Variants in MEI1 observed in about 807,000 individuals in gnomAD.
MEI1 encodes the protein meiotic double-stranded break formation protein 1.
Under a neutral mutation model 146.2 loss-of-function variants are expected in MEI1, and 103 were observed. The observed-to-expected ratio is 0.70, with a 90% CI of 0.60 to 0.83. MEI1 has a LOEUF of 0.83. Ranked by LOEUF, MEI1 falls within the 40% of genes least tolerant of loss-of-function variation. MEI1 has a pLI of 0.00. For missense variants in MEI1, 1,529 were observed against 1,533.0 expected, an observed-to-expected ratio of 1.00 and a Z score of 0.04; for synonymous variants, 652 against 628.2, an observed-to-expected ratio of 1.04 and a Z score of -0.57.
chr22:41,792,800 T>C (rs2076224226), intron 26 of MEI1, among the ~76,000 whole-genome samples: 1 of 152,144 alleles, frequency 6.6e-6, no homozygotes, highest in African/African-American at 2.4e-5. Context: ...TAACTTTAGC[T>C]ATTGGTAGAT....
chr22:41,745,095 G>T, intron 13 of MEI1, 31 bp downstream of exon 13: 1 of 1,438,392 alleles, frequency 7.0e-7, no homozygotes, highest in South Asian at 1.4e-5. Context: ...TGAAGTAATA[G>T]CATGGAAGGT....
At chr22:41,744,740 C>T (rs56012767) in intron 12 of MEI1, among the ~76,000 whole-genome samples, 2 of 15,220 alleles carry the variant, frequency 1.3e-4, no homozygotes, top group Non-Finnish European at 1.3e-4. Flanking sequence ...CCTCGTGATC[C>T]GCCCGCCTCG....
At chr22:41,732,133 G>T in intron 9 of MEI1, 112 bp from the exon 10 acceptor site, 3 of 768,640 alleles carry the variant, frequency 3.9e-6, no homozygotes, top group South Asian at 1.7e-5. Context: ...GTCCCTCCAC[G>T]AGTGGCCTCC....
At chr22:41,736,094 C>T (rs2072336506) in intron 11 of MEI1, among the ~76,000 whole-genome samples, 1 of 152,150 alleles carries the variant, frequency 6.6e-6, no homozygotes, top group East Asian at 1.9e-4. Context: ...GAACACTTCC[C>T]TGCCTCTTCC....
At position 41,795,675 on chromosome 22, in the gene MEI1, A is replaced by AGGGCCTGTGTGGAATGGGCACTGAGG; in HGVS notation, c.3667-59_3667-34dup. 6.3e-7 allele frequency: 1 copy of AGGGCCTGTGTGGAATGGGCACTGAGG among 1,592,258 alleles called. No individual in the cohort carries two copies. Among genetic ancestry groups the AGGGCCTGTGTGGAATGGGCACTGAGG allele is most frequent in the Non-Finnish European group, 8.6e-7 (1 of 1,165,876 alleles). On this transcript the variant is annotated intron_variant, in intron 29 of 30. Transcript: ENST00000401548. This position sits in a 1 kb window ranked among gnomAD's most constrained non-coding sequence, Gnocchi z 4.2. The stretch of plus-strand genomic sequence containing the variant: ...GGAAGTACAGAGGATGGAGGCAGTT[A>AGGGCCTGTGTGGAATGGGCACTGAGG]GGGCCTGTGTGGAATGGGCACTGAG...
At chr22:41,743,600 G>T (rs1338504780) in intron 12 of MEI1, among the ~76,000 whole-genome samples, 3 of 152,202 alleles carry the variant, frequency 2.0e-5, no homozygotes, top group African/African-American at 7.2e-5. Context: ...AATGTGCCAT[G>T]TGTTGTAGCT....
intron 11 of MEI1, among the ~76,000 whole-genome samples, chr22:41,741,523 AATGGGCCTTAGGTGTT>A (rs1354438171): frequency 6.6e-6 from 1 of 152,234 alleles, no homozygotes; most frequent in Non-Finnish European, 1.5e-5. Flanking sequence ...TGAGGGTTCA[AATGGGCCTTAGGTGTT>A]ACCTGTCTAC....
At chr22:41,764,039 C>A (rs1035080305) in intron 19 of MEI1, among the ~76,000 whole-genome samples, 1 of 147,798 alleles carries the variant, frequency 6.8e-6, no homozygotes, top group Admixed American at 7.0e-5. Context: ...CTGCTGACCA[C>A]AACCTCCACC....
chr22:41,700,616 C>G (rs1601598887), intron 1 of MEI1, among the ~76,000 whole-genome samples: 1 of 152,154 alleles, frequency 6.6e-6, no homozygotes, highest in Non-Finnish European at 1.5e-5. Context: ...TAGGCGTGAG[C>G]CACGGTGCCC....
In MEI1 at chr22:41,780,585, T is replaced by C. The variant is rs552198904; in HGVS notation, c.2816-699T>C. On this transcript the variant is annotated intron_variant, in intron 22 of 30. Coordinates refer to ENST00000401548, the MANE Select transcript of MEI1 (RefSeq NM_152513.4). ...TGAGCTGAATTTTTTTCTTTTCTTT[T>C]TTTTTTTTTTTTTGAGACAGGGTCT... is the stretch of plus-strand genomic sequence containing the variant. Among the ~76,000 whole-genome samples, 43 of 149,548 alleles carry C rather than the reference T, an allele frequency of 2.9e-4. No individual in the cohort carries two copies. The East Asian group carries it at 6.8e-3, about 24-fold the overall frequency.
At chr22:41,701,265 G>A (rs2068707553) in intron 1 of MEI1, among the ~76,000 whole-genome samples, 1 of 152,000 alleles carries the variant, frequency 6.6e-6, no homozygotes, top group East Asian at 1.9e-4. Flanking sequence ...ATCTATTTCT[G>A]CATTCAGTCT....
chr22:41,730,228 C>G (rs2071735771), intron 8 of MEI1, among the ~76,000 whole-genome samples: 1 of 152,184 alleles, frequency 6.6e-6, no homozygotes, highest in Admixed American at 6.5e-5. Context: ...TCATCCACGC[C>G]ACTGCCCATT....
chr22:41,731,440 T>TGCCTCC (rs895118085), intron 9 of MEI1, among the ~76,000 whole-genome samples: 40 of 152,252 alleles, frequency 2.6e-4, no homozygotes, highest in Non-Finnish European at 4.3e-4. Context: ...CCTCTGCCTC[T>TGCCTCC]GCCTCCCAGG....
At chr22:41,784,446 A>G in intron 25 of MEI1, 26 bp downstream of exon 25, 1 of 1,612,838 alleles carries the variant, frequency 6.2e-7, no homozygotes. Flanking sequence ...TCTCCAGCAG[A>G]AGAAAAGCTT....
chr22:41,732,294 C>T lies in MEI1; in HGVS notation c.1146C>T (p.Asn382=). 1 of 1,612,516 alleles carries T rather than the reference C, an allele frequency of 6.2e-7. No individual in the cohort carries two copies. The highest frequency in any genetic ancestry group is 1.1e-5 in the South Asian group (1 of 90,682). The change falls in exon 10 of 31, where the codon AAC becomes AAT. Residue 382 remains asparagine, a synonymous_variant. Transcript: ENST00000401548. ...RSLQGSLKMN[N]IELHKQGLLL... The stretch of plus-strand genomic sequence containing the variant: ...TGCAGGGAAGCCTGAAGATGAACAA[C>T]ATAGAGCTGCACAAGCAGGGCCTGC...
At chr22:41,721,083 T>C (rs2070742252) in intron 6 of MEI1, among the ~76,000 whole-genome samples, 1 of 151,250 alleles carries the variant, frequency 6.6e-6, no homozygotes, top group African/African-American at 2.4e-5. Context: ...CCAGCCTTTT[T>C]TTTGTATTTT....
chr22:41,747,300 G>A (rs894178070), intron 14 of MEI1: 3 of 151,806 alleles, frequency 2.0e-5, no homozygotes, highest in African/African-American at 7.3e-5. Context: ...GACTCTTGAA[G>A]AATTACCTGA....
intron 3 of MEI1, among the ~76,000 whole-genome samples, chr22:41,712,667 AATAG>A (rs1179403055): frequency 2.6e-5 from 2 of 76,182 alleles, no homozygotes; most frequent in Non-Finnish European, 4.7e-5. Context: ...TTTAAATAGA[AATAG>A]ATGTGTGTGT....
chr22:41,737,086 A>G (rs575002824), intron 11 of MEI1, among the ~76,000 whole-genome samples: 99 of 152,264 alleles, frequency 6.5e-4, no homozygotes, highest in African/African-American at 2.2e-3. Flanking sequence ...TATTCCTGCC[A>G]CTAATTATTC....
Sources: allele counts gnomAD v4.1 joint callset (sites outside exome capture counted in the v4.1 genomes callset), GRCh38; gene constraint gnomAD v4.1.1; non-coding constraint Gnocchi (gnomAD v3.1); transcripts MANE v1.5; gene names NCBI Gene and HGNC (gene_info 2026-07-23, HGNC 2026-07-21).